GPHN: variants seen among roughly 807,000 people sequenced by gnomAD.
The protein encoded by GPHN is gephyrin.
In GPHN, 17 loss-of-function variants were observed where a neutral mutation model predicts 95.5. The observed-to-expected ratio is 0.18, with a 90% CI of 0.12 to 0.27. The LOEUF is 0.27. Ranked by LOEUF, GPHN falls within the 10% of genes least tolerant of loss-of-function variation. GPHN has a pLI of 1.00. For missense variants in GPHN, 660 were observed against 978.1 expected (o/e 0.67, Z 4.34); for synonymous variants, 320 against 322.5 (o/e 0.99, Z 0.08).
rs1031315597 is a variant in GPHN, at chr14:67,181,416, A to G, written c.*479A>G. The stretch of plus-strand genomic sequence containing the variant: ...TCTCATGTATCTCGTGTTTATGTGC[A>G]CAGTGCCAAAAGAAGACTGACTGGG... On this transcript the variant is annotated 3_prime_UTR_variant, in exon 23 of 23. Coordinates refer to ENST00000478722, the MANE Select transcript of GPHN (RefSeq NM_020806.5). 13 of 503,184 alleles carry G rather than the reference A, an allele frequency of 2.6e-5. No homozygotes were observed. The highest frequency in any genetic ancestry group is 5.0e-5 in the Non-Finnish European group (13 of 262,134). The allele number at this position is 503,184 out of a possible 1,614,324, so 31.2% of individuals were successfully genotyped here. A position where few individuals can be genotyped will look rare whatever the true frequency, so the allele number is the denominator to read the frequency against.
the GPHN span, among the ~76,000 whole-genome samples, chr14:67,564,117 G>A: frequency 6.6e-6 from 1 of 151,522 alleles, no homozygotes; most frequent in African/African-American, 2.4e-5. Context: ...TAGCCAGGAT[G>A]GTCTCGATCT....
the GPHN span, among the ~76,000 whole-genome samples, chr14:67,513,714 C>T: frequency 2.0e-5 from 3 of 151,982 alleles, no homozygotes; most frequent in African/African-American, 7.3e-5. Context: ...GCGGGAGAGT[C>T]CTCCACCAGT....
In GPHN at chr14:67,103,943, G is replaced by C. The variant is rs1308575545; in HGVS notation, c.1293+3032G>C. On this transcript the variant is annotated intron_variant, in intron 13 of 22. Transcript: ENST00000478722. ...TGTTGAAAGTGGGCATCCTTGTCTT[G>C]GTCCAGATCTCAGAGGAAAAGCTTT... 1.3e-5 allele frequency among the ~76,000 whole-genome samples: 2 copies of C among 152,158 alleles called. 1 individual carries two copies. Among genetic ancestry groups the C allele is most frequent in the South Asian group, 4.2e-4 (2 of 4,814 alleles).
At chr14:66,788,194 A>G (rs1171896121) in intron 3 of GPHN, among the ~76,000 whole-genome samples, 1 of 152,188 alleles carries the variant, frequency 6.6e-6, no homozygotes, top group Non-Finnish European at 1.5e-5. Context: ...CTGTAATCCC[A>G]GCTACTCTGG....
At chr14:66,998,795 T>C (rs2071992038) in intron 9 of GPHN, among the ~76,000 whole-genome samples, 1 of 151,606 alleles carries the variant, frequency 6.6e-6, no homozygotes, top group South Asian at 2.1e-4. Context: ...TATCCATGAG[T>C]TGTATAGGAA....
chr14:66,546,618 G>A (rs1338469952), intron 1 of GPHN, among the ~76,000 whole-genome samples: 5 of 152,122 alleles, frequency 3.3e-5, no homozygotes, highest in African/African-American at 4.8e-5. Context: ...AAAAAAATAC[G>A]AAAACCAGTC....
intron 10 of GPHN, among the ~76,000 whole-genome samples, chr14:67,041,554 T>C (rs2074706395): frequency 6.6e-6 from 1 of 152,200 alleles, no homozygotes; most frequent in Admixed American, 6.5e-5. Context: ...AACTCATCCA[T>C]TTTTATGGCT....
chr14:67,031,776 C>A (rs572770154), intron 10 of GPHN, among the ~76,000 whole-genome samples: 1 of 151,722 alleles, frequency 6.6e-6, no homozygotes, highest in African/African-American at 2.4e-5. Context: ...AAGTACTATT[C>A]GCTATTCAAT....
At chr14:67,652,060 C>A in the GPHN span, among the ~76,000 whole-genome samples, 1 of 152,166 alleles carries the variant, frequency 6.6e-6, no homozygotes, top group East Asian at 1.9e-4. Flanking sequence ...GTAGGAAAAT[C>A]CCACCCCTCC....
chr14:67,571,709 T>C, the GPHN span: 401 of 1,596,334 alleles, frequency 2.5e-4, 3 homozygotes, highest in East Asian at 8.6e-3. Flanking sequence ...GAGAGGACTG[T>C]TTTGCAGCCT....
chr14:66,656,883 A>T (rs2065336402), intron 1 of GPHN, among the ~76,000 whole-genome samples: 2 of 152,124 alleles, frequency 1.3e-5, no homozygotes, highest in Admixed American at 6.5e-5. Context: ...CCAAATAATT[A>T]CCCTACAGTG....
At chr14:67,102,947 C>G (rs1230584669) in intron 13 of GPHN, among the ~76,000 whole-genome samples, 2 of 152,206 alleles carry the variant, frequency 1.3e-5, no homozygotes, top group African/African-American at 4.8e-5. Flanking sequence ...CTGCACCAAG[C>G]TGGATTTCAT....
chr14:66,552,219 C>G (rs967751312), intron 1 of GPHN, among the ~76,000 whole-genome samples: 1 of 152,124 alleles, frequency 6.6e-6, no homozygotes, highest in Non-Finnish European at 1.5e-5. Context: ...TAAGAACAGT[C>G]CCATCTCATC....
chr14:66,754,487 A>T (rs965876873), intron 2 of GPHN, among the ~76,000 whole-genome samples: 2 of 151,938 alleles, frequency 1.3e-5, no homozygotes, highest in African/African-American at 4.8e-5. Context: ...CTCTATAGTG[A>T]GTCATATGTG....
At chr14:67,166,144 TAA>T (rs2082263911) in intron 20 of GPHN, among the ~76,000 whole-genome samples, 2 of 152,214 alleles carry the variant, frequency 1.3e-5, no homozygotes, top group South Asian at 4.2e-4. Flanking sequence ...AGAAAAATGT[TAA>T]ACTTTGAAAA....
chr14:67,600,156 C>T, the GPHN span: 1 of 1,590,424 alleles, frequency 6.3e-7, no homozygotes, highest in Non-Finnish European at 8.6e-7. Flanking sequence ...GGCGCTGCAG[C>T]GCCAGGCGGC....
At chr14:67,436,515 C>T in the GPHN span, among the ~76,000 whole-genome samples, 1 of 152,164 alleles carries the variant, frequency 6.6e-6, no homozygotes, top group Non-Finnish European at 1.5e-5. Flanking sequence ...ATGGTTCAGC[C>T]GAGGGAGCCC....
At chr14:67,607,066 G>A in the GPHN span, among the ~76,000 whole-genome samples, 1 of 152,138 alleles carries the variant, frequency 6.6e-6, no homozygotes, top group African/African-American at 2.4e-5. Flanking sequence ...TACAGACTCA[G>A]AATCTCAGTT....
intron 9 of GPHN, among the ~76,000 whole-genome samples, chr14:67,013,013 A>G (rs189755988): frequency 2.0e-5 from 3 of 152,164 alleles, no homozygotes; most frequent in Admixed American, 6.5e-5. Flanking sequence ...TCTGTCTACT[A>G]CTATTAGAAT....
Sources: allele counts gnomAD v4.1 joint callset (sites outside exome capture counted in the v4.1 genomes callset), GRCh38; gene constraint gnomAD v4.1.1; transcripts MANE v1.5; gene names NCBI Gene and HGNC (gene_info 2026-07-23, HGNC 2026-07-21).